The following OTOGL variants were observed in gnomAD, a reference collection of about 807,000 sequenced individuals.
OTOGL encodes otogelin-like protein.
OTOGL carries 285 observed loss-of-function variants against 318.5 expected under a neutral mutation model. That is an observed-to-expected ratio of 0.89 (90% CI 0.81 to 0.99). The LOEUF is 0.99. Among genes scored for constraint, OTOGL ranks in the 50% least tolerant of loss-of-function variants. OTOGL has a pLI of 0.00. For synonymous variants in OTOGL, 987 were observed against 936.5 expected (o/e 1.05, Z -0.99); for missense variants, 2,899 against 2,845.6 (o/e 1.02, Z -0.43).
rs1336842775 is a variant in OTOGL at position 80,167,714 on chromosome 12, C to T, written c.-19-41699C>T. Among the ~76,000 whole-genome samples, 4 of 152,126 alleles carry T rather than the reference C, an allele frequency of 2.6e-5. No homozygotes were observed. In the East Asian group the frequency reaches 7.7e-4, roughly 29 times the overall value. On this transcript the variant is annotated intron_variant, in intron 1 of 58. Transcript: ENST00000547103. ...GCTATAAAATAATGGTGAAGCATAA[C>T]TTCACACATCTAATTTATCTGATAA... is the stretch of plus-strand genomic sequence containing the variant.
At chr12:80,324,509 C>G (rs1473839363) in intron 35 of OTOGL, among the ~76,000 whole-genome samples, 2 of 152,132 alleles carry the variant, frequency 1.3e-5, no homozygotes, top group African/African-American at 4.8e-5. Flanking sequence ...GTTGTAAGGA[C>G]TTTGTCTTTT....
chr12:80,227,851 C>T (rs1457341933), intron 7 of OTOGL, among the ~76,000 whole-genome samples: 1 of 152,098 alleles, frequency 6.6e-6, no homozygotes, highest in Non-Finnish European at 1.5e-5. Context: ...CTTCTTTGAC[C>T]ACTCACTCTG....
At chr12:80,134,465 C>T (rs933273083) in intron 1 of OTOGL, among the ~76,000 whole-genome samples, 6 of 152,124 alleles carry the variant, frequency 3.9e-5, no homozygotes, top group Admixed American at 3.9e-4. Context: ...TTATTCTAAA[C>T]TTTGGAATAT....
chr12:80,143,962 A>T (rs1438541134), intron 1 of OTOGL, among the ~76,000 whole-genome samples: 2 of 152,152 alleles, frequency 1.3e-5, no homozygotes, highest in African/African-American at 4.8e-5. Flanking sequence ...TACACTCAGA[A>T]AATAACTTAT....
chr12:80,176,019 G>A (rs1218794474), intron 1 of OTOGL, among the ~76,000 whole-genome samples: 2 of 152,172 alleles, frequency 1.3e-5, no homozygotes, highest in Non-Finnish European at 2.9e-5. Flanking sequence ...CGTTAAAGGA[G>A]ATAAAACCAT....
At chr12:80,329,214 T>A in intron 37 of OTOGL, 95 bp downstream of exon 37, 1 of 939,502 alleles carries the variant, frequency 1.1e-6, no homozygotes, top group Non-Finnish European at 1.5e-6. Context: ...CTGCTATCAT[T>A]AATACTACCT....
intron 1 of OTOGL, among the ~76,000 whole-genome samples, chr12:80,170,269 A>G (rs1024023576): frequency 8.6e-5 from 13 of 150,846 alleles, no homozygotes; most frequent in Admixed American, 6.0e-4. Flanking sequence ...GTTGTTTTTT[A>G]GCTATTCCAG....
At chr12:80,118,164 G>A (rs971709496) in intron 1 of OTOGL, among the ~76,000 whole-genome samples, 3 of 152,192 alleles carry the variant, frequency 2.0e-5, no homozygotes, top group African/African-American at 7.2e-5. Flanking sequence ...TAATTTAGGA[G>A]ATTGGCCCAA....
rs746555570 is a variant in OTOGL at position 80,336,391 on chromosome 12, C to A, written c.4601-22C>A. ...AATGCAGATAGTTAATAGACTAAAT[C>A]CACTTTCCACCATTTTTATAGGTCG... is the stretch of plus-strand genomic sequence containing the variant. On this transcript the variant is annotated intron_variant, in intron 39 of 58. Coordinates refer to ENST00000547103, the MANE Select transcript of OTOGL (RefSeq NM_001378609.3). 30 of 1,563,492 alleles carry A rather than the reference C, an allele frequency of 1.9e-5. 1 individual carries two copies. In the Middle Eastern group the frequency reaches 5.1e-4, roughly 27 times the overall value.
At chr12:80,184,839 C>T (rs1157959341) in intron 1 of OTOGL, among the ~76,000 whole-genome samples, 1 of 152,136 alleles carries the variant, frequency 6.6e-6, no homozygotes, top group East Asian at 1.9e-4. Context: ...AAACGTGGCT[C>T]CTTGGCTTCT....
chr12:80,117,655 C>T (rs937389715), intron 1 of OTOGL, among the ~76,000 whole-genome samples: 4 of 152,128 alleles, frequency 2.6e-5, no homozygotes, highest in African/African-American at 9.7e-5. Flanking sequence ...TTCCAAGAGT[C>T]CATTAAATTA....
chr12:80,256,561 G>T, intron 17 of OTOGL, 101 bp downstream of exon 17: 1 of 1,422,016 alleles, frequency 7.0e-7, no homozygotes, highest in East Asian at 2.5e-5. Flanking sequence ...CTAATGTTAG[G>T]CTGACTACCT....
intron 1 of OTOGL, among the ~76,000 whole-genome samples, chr12:80,129,600 C>T (rs1871108537): frequency 6.6e-6 from 1 of 152,076 alleles, no homozygotes; most frequent in Admixed American, 6.5e-5. Flanking sequence ...TACCTTGAAT[C>T]ACTATCTCAT....
intron 26 of OTOGL, among the ~76,000 whole-genome samples, chr12:80,283,299 G>T (rs988992739): frequency 1.3e-5 from 2 of 151,972 alleles, no homozygotes; most frequent in East Asian, 3.9e-4. Context: ...TTCCAATAGC[G>T]TCATAAAGTC....
intron 4 of OTOGL, among the ~76,000 whole-genome samples, chr12:80,212,841 C>T (rs1490797848): frequency 6.6e-6 from 1 of 152,118 alleles, no homozygotes; most frequent in African/African-American, 2.4e-5. Context: ...AAATAGAAGA[C>T]AGATCTGATA....
chr12:80,247,663 G>A (rs1334623674), intron 11 of OTOGL, among the ~76,000 whole-genome samples: 66 of 35,988 alleles, frequency 1.8e-3, no homozygotes, highest in East Asian at 3.0e-3. Context: ...GGAGAGTTCT[G>A]TAGATGTCTA....
intron 24 of OTOGL, among the ~76,000 whole-genome samples, chr12:80,275,882 AT>A (rs1565948137): frequency 6.6e-6 from 1 of 151,358 alleles, no homozygotes; most frequent in African/African-American, 2.4e-5. Flanking sequence ...AGGTATGTAT[AT>A]TTTTTAGATA....
rs1393386507 is a variant in OTOGL at position 80,378,822 on chromosome 12, C to T, written c.*774C>T. 6.6e-6 allele frequency: 1 copy of T among 151,878 alleles called. No homozygotes were observed. Among genetic ancestry groups the T allele is most frequent in the Non-Finnish European group, 1.5e-5 (1 of 67,886 alleles). 9.4% of individuals were successfully genotyped at this position (151,878 alleles called of 1,614,324 possible). On this transcript the variant is annotated 3_prime_UTR_variant, in exon 59 of 59. Coordinates refer to ENST00000547103, the MANE Select transcript of OTOGL (RefSeq NM_001378609.3). ...AGTTTAACATATTTGAAAAATGCCCCCCATACATTGTTATTCCAATAGTAA... is the reference window on the plus strand; with the variant it reads ...AGTTTAACATATTTGAAAAATGCCCTCCATACATTGTTATTCCAATAGTAA...
chr12:80,119,658 T>A (rs1484527618), intron 1 of OTOGL, among the ~76,000 whole-genome samples: 1 of 152,184 alleles, frequency 6.6e-6, no homozygotes, highest in African/African-American at 2.4e-5. Flanking sequence ...TCTGTTACTG[T>A]ATTATGCTGA....
Sources: gnomAD v4.1 joint callset for allele counts (sites outside exome capture counted in the v4.1 genomes callset) on GRCh38, gnomAD v4.1.1 for gene constraint, MANE v1.5 for transcripts, NCBI Gene and HGNC (gene_info 2026-07-23, HGNC 2026-07-21) for gene names.